The following SLC19A1 variants were observed in gnomAD, a reference collection of about 807,000 sequenced individuals.
SLC19A1 encodes reduced folate transporter.
In SLC19A1, 37 loss-of-function variants were observed where a neutral mutation model predicts 35.3. The observed-to-expected ratio is 1.05, with a 90% CI of 0.81 to 1.38. The LOEUF (loss-of-function observed/expected upper bound fraction) is 1.38, where lower values mean the gene tolerates loss of function less well. Among genes scored for constraint, SLC19A1 ranks in the 40% most tolerant of loss-of-function variants. SLC19A1 has a pLI of 0.00. For missense variants in SLC19A1, 831 were observed against 826.9 expected (o/e 1.00, Z -0.06); for synonymous variants, 460 against 398.5 (o/e 1.15, Z -1.84).
At position 45,533,704 on chromosome 21, in the gene SLC19A1, C is replaced by T. The variant is rs923435405; in HGVS notation, c.190-1556G>A. 6.6e-5 allele frequency among the ~76,000 whole-genome samples: 10 copies of T among 152,062 alleles called. No individual in the cohort carries two copies. The highest frequency in any genetic ancestry group is 2.4e-4 in the African/African-American group (10 of 41,424). On this transcript the variant is annotated intron_variant, in intron 2 of 5. Transcript: ENST00000311124. This position sits in a 1 kb window ranked among gnomAD's most constrained non-coding sequence, Gnocchi z 4.5. ...CCACCAGTAACCCCACAGCCCCACT[C>T]GTGCTGCCCCAGGTGACCTCAGCCC...
At chr21:45,531,254 G>A (rs561259974) in intron 3 of SLC19A1, 135 bp downstream of exon 3, 4 of 1,137,330 alleles carry the variant, frequency 3.5e-6, no homozygotes, top group Admixed American at 3.1e-5. Context: ...GGGAGGTGGC[G>A]GAGAGCCTCT....
downstream of SLC19A1, chr21:45,512,539 T>C (rs2037673003): frequency 1.3e-6 from 1 of 757,686 alleles, no homozygotes; most frequent in Non-Finnish European, 2.2e-6. Context: ...CATGTAATCC[T>C]CAAGAAATAA....
chr21:45,527,651 T>C lies in SLC19A1; in HGVS notation c.1152-1693A>G, dbSNP rs10522693. ...GGCGGGCCCTGGAGGTGAGTGGCAG[T>C]CAGTTACTGCGGGCCCTGGAGGTGA... is the stretch of plus-strand genomic sequence containing the variant. On this transcript the variant is annotated intron_variant, in intron 4 of 5. Transcript: ENST00000311124. 1.2e-3 allele frequency among the ~76,000 whole-genome samples: 30 copies of C among 25,602 alleles called. 4 individuals are homozygous for C. Among genetic ancestry groups the C allele is most frequent in the South Asian group, 2.4e-3 (1 of 410 alleles). The allele number at this position is 25,602 out of a possible 152,430, so 16.8% of individuals were successfully genotyped here.
chr21:45,527,793 C>T (rs1253794259), intron 4 of SLC19A1, among the ~76,000 whole-genome samples: 3 of 149,436 alleles, frequency 2.0e-5, no homozygotes, highest in Middle Eastern at 3.5e-3. Context: ...CCAGGCAGGG[C>T]GGGCCCTGGA....
Position 45,534,778 on chromosome 21 carries a change from C to T in SLC19A1, c.190-2630G>A. On this transcript the variant is annotated intron_variant, in intron 2 of 5. Coordinates refer to ENST00000311124, the MANE Select transcript of SLC19A1 (RefSeq NM_194255.4). The surrounding 1 kb of genome is among the most constrained non-coding windows in gnomAD (Gnocchi z 4.2). ...CTGCCCAGAGCTGTGACCTGCGTCC[C>T]ACTTACAAGGCTGCTGGGGGAGGGG... The T allele has an allele frequency of 1.7e-6, 1 of 596,704 alleles. No homozygotes were observed. The highest frequency in any genetic ancestry group is 2.0e-5 in the South Asian group (1 of 49,688). The allele number at this position is 596,704 out of a possible 1,614,324, so 37.0% of individuals were successfully genotyped here.
intron 1 of SLC19A1, among the ~76,000 whole-genome samples, chr21:45,557,476 C>T (rs372527330): frequency 2.0e-5 from 3 of 152,188 alleles, no homozygotes; most frequent in African/African-American, 7.2e-5. Context: ...GTCACAGAGA[C>T]GGTTGGGCCC....
rs1156821015 is a variant in SLC19A1, at chr21:45,533,762, G to T, written c.190-1614C>A. ...CCACACTTGGCAGGACCAAACCCTG[G>T]GTCAGCACGTGGGGTGCTGCGCCGA... is the stretch of plus-strand genomic sequence containing the variant. On this transcript the variant is annotated intron_variant, in intron 2 of 5. Transcript: ENST00000311124. This position sits in a 1 kb window ranked among gnomAD's most constrained non-coding sequence, Gnocchi z 4.5. Among the ~76,000 whole-genome samples, 1 of 152,104 alleles carries T rather than the reference G, an allele frequency of 6.6e-6. No individual in the cohort carries two copies. Among genetic ancestry groups the T allele is most frequent in the Non-Finnish European group, 1.5e-5 (1 of 67,992 alleles).
Position 45,532,095 on chromosome 21 carries a change from C to G in SLC19A1, c.243G>C (p.Val81=). ...GGTAGTCGGTGAGCAGGAACACGGG[C>G]ACCAGCACGGCCAGGTAGGAGTACG... ...VLSYSYLAVL[V]PVFLLTDYLR... Residue 81 remains valine, a synonymous_variant, in exon 3 of 6, where the codon GTG becomes GTC. Transcript: ENST00000311124. 1 of 1,611,860 alleles carries G rather than the reference C, an allele frequency of 6.2e-7. No individual in the cohort carries two copies. Among genetic ancestry groups the G allele is most frequent in the Non-Finnish European group, 8.5e-7 (1 of 1,179,112 alleles).
At chr21:45,562,393 C>G (rs1026675735) in intron 1 of SLC19A1, among the ~76,000 whole-genome samples, 11 of 152,162 alleles carry the variant, frequency 7.2e-5, no homozygotes, top group African/African-American at 2.4e-4. Context: ...TTTCAAAAGG[C>G]CAGTTCTGAA....
At chr21:45,539,732 C>G (rs1231961417) in intron 1 of SLC19A1, among the ~76,000 whole-genome samples, 1 of 152,162 alleles carries the variant, frequency 6.6e-6, no homozygotes, top group South Asian at 2.1e-4. Flanking sequence ...CATCTGGGGT[C>G]CCGTCTTGAC....
intron 1 of SLC19A1, among the ~76,000 whole-genome samples, chr21:45,550,810 A>C (rs1602942545): frequency 6.7e-6 from 1 of 148,422 alleles, no homozygotes; most frequent in Non-Finnish European, 1.5e-5. Context: ...CACCTTCTCA[A>C]CCTCCCTTAC....
chr21:45,537,915 T>C lies in SLC19A1; in HGVS notation c.45A>G (p.Glu15=). The stretch of plus-strand genomic sequence containing the variant: ...ACCGGAGCTCGGGGTCAGGCCCAGG[T>C]TCCACGGGCACCTGCTTCTCCACCG... ...SPAVEKQVPV[E]PGPDPELRSW... is the part of the protein sequence containing the mutation. The change falls in exon 2 of 6, where the codon GAA becomes GAG. Residue 15 remains glutamate, a synonymous_variant. Coordinates refer to ENST00000311124, the MANE Select transcript of SLC19A1 (RefSeq NM_194255.4). The C allele has an allele frequency of 6.3e-7, 1 of 1,592,400 alleles. No homozygotes were observed.
At chr21:45,503,710 A>T (rs372815086) in intron 3 of SLC19A1, among the ~76,000 whole-genome samples, 21 of 151,756 alleles carry the variant, frequency 1.4e-4, no homozygotes, top group East Asian at 7.8e-4. Flanking sequence ...TGGGTGCAGC[A>T]CACCAGCATG....
intron 3 of SLC19A1, chr21:45,505,257 T>G: frequency 6.3e-7 from 1 of 1,595,150 alleles, no homozygotes; most frequent in Non-Finnish European, 8.6e-7. Flanking sequence ...GCCCCCTTCA[T>G]TTCCTGGCCC....
chr21:45,537,702 C>G (rs2078168275), intron 2 of SLC19A1, 69 bp downstream of exon 2: 1 of 1,249,364 alleles, frequency 8.0e-7, no homozygotes, highest in Non-Finnish European at 1.0e-6. Flanking sequence ...CGCCCACGTG[C>G]CTATTCCAGA....
intron 3 of SLC19A1, chr21:45,505,274 G>A: frequency 6.2e-7 from 1 of 1,608,006 alleles, no homozygotes; most frequent in Admixed American, 1.7e-5. Flanking sequence ...GCCCTCACAG[G>A]CAGAGTAAGT....
At chr21:45,506,058 A>C in intron 3 of SLC19A1, 2 of 1,589,766 alleles carry the variant, frequency 1.3e-6, no homozygotes, top group Non-Finnish European at 1.7e-6. Context: ...GGCCCCGGAC[A>C]GGGATGGGAG....
Position 45,533,075 on chromosome 21 carries a change from C to T in SLC19A1, c.190-927G>A, listed in dbSNP as rs991821863. Reference sequence around the variant, plus strand: ...TTAAGGCCAGACTCCAACCCAGGAGCAGGGAGGGGGGCAAACGCCCCTGTA... The same window carrying T: ...TTAAGGCCAGACTCCAACCCAGGAGTAGGGAGGGGGGCAAACGCCCCTGTA... On this transcript the variant is annotated intron_variant, in intron 2 of 5. Coordinates refer to ENST00000311124, the MANE Select transcript of SLC19A1 (RefSeq NM_194255.4). The surrounding 1 kb of genome is among the most constrained non-coding windows in gnomAD (Gnocchi z 4.5). 6.6e-6 allele frequency among the ~76,000 whole-genome samples: 1 copy of T among 152,224 alleles called. No homozygotes were observed. The highest frequency in any genetic ancestry group is 2.1e-4 in the South Asian group (1 of 4,832).
intron 3 of SLC19A1, chr21:45,504,644 C>A: frequency 2.5e-6 from 3 of 1,203,760 alleles, no homozygotes; most frequent in Non-Finnish European, 3.6e-6. Context: ...CTTCGACACC[C>A]GCGAAGGCCG....
Sources: gnomAD v4.1 joint callset for allele counts (sites outside exome capture counted in the v4.1 genomes callset) on GRCh38, gnomAD v4.1.1 for gene constraint, Gnocchi (gnomAD v3.1) non-coding constraint, MANE v1.5 for transcripts, NCBI Gene and HGNC (gene_info 2026-07-23, HGNC 2026-07-21) for gene names.